ELMO1: variants seen among roughly 807,000 people sequenced by gnomAD.
The protein encoded by ELMO1 is engulfment and cell motility protein 1.
In ELMO1, 26 loss-of-function variants were observed where a neutral mutation model predicts 98.9. That is an observed-to-expected ratio of 0.26 (90% confidence interval 0.19 to 0.36). The LOEUF is 0.36. Among genes scored for constraint, ELMO1 ranks in the 10% least tolerant of loss-of-function variants. The pLI is 1.00. For synonymous variants in ELMO1, 346 were observed against 346.0 expected, an observed-to-expected ratio of 1.00 and a Z score of 0.00; for missense variants, 627 against 935.2, an observed-to-expected ratio of 0.67 and a Z score of 4.30.
At chr7:37,336,345 A>G (rs1051576945) in intron 2 of ELMO1, among the ~76,000 whole-genome samples, 5 of 152,218 alleles carry the variant, frequency 3.3e-5, no homozygotes, top group Non-Finnish European at 5.9e-5. Context: ...TTCACTAACC[A>G]TTTGTCTCGT....
chr7:37,126,666 A>G (rs1013847109), intron 14 of ELMO1, among the ~76,000 whole-genome samples: 1 of 152,220 alleles, frequency 6.6e-6, no homozygotes, highest in African/African-American at 2.4e-5. Context: ...TCTCAAGTAA[A>G]AAACAAATAA....
intron 13 of ELMO1, among the ~76,000 whole-genome samples, chr7:37,188,449 CACGCAAACACACACACACACA>C (rs1791355914): frequency 1.4e-4 from 1 of 7,274 alleles, no homozygotes. Flanking sequence ...CACACACACA[CACGCAAACACACACACACACA>C]GGCCACTGGA....
intron 20 of ELMO1, among the ~76,000 whole-genome samples, chr7:36,866,735 C>G (rs1803060103): frequency 6.6e-6 from 1 of 152,170 alleles, no homozygotes; most frequent in African/African-American, 2.4e-5. Context: ...GAAAAACTGT[C>G]CAAAGAGCCA....
intron 17 of ELMO1, among the ~76,000 whole-genome samples, chr7:36,888,187 G>A (rs1005664516): frequency 5.9e-5 from 9 of 152,144 alleles, no homozygotes; most frequent in African/African-American, 2.2e-4. Flanking sequence ...CACAAATGGG[G>A]ACAACAACAC....
At chr7:37,143,438 G>A (rs1303784419) in intron 13 of ELMO1, among the ~76,000 whole-genome samples, 2 of 151,980 alleles carry the variant, frequency 1.3e-5, no homozygotes, top group East Asian at 1.9e-4. Flanking sequence ...ACCGAGTCTC[G>A]CTCTGTCACC....
At chr7:37,264,645 T>C (rs954166659) in intron 5 of ELMO1, among the ~76,000 whole-genome samples, 2 of 152,194 alleles carry the variant, frequency 1.3e-5, no homozygotes, top group Admixed American at 1.3e-4. Flanking sequence ...CTGGTATTGC[T>C]CTAAGGATAG....
At chr7:37,370,426 G>A (rs892948036) in intron 1 of ELMO1, among the ~76,000 whole-genome samples, 14 of 151,978 alleles carry the variant, frequency 9.2e-5, no homozygotes, top group African/African-American at 2.9e-4. Flanking sequence ...AACTTGTTAC[G>A]TTTTTCTCTT....
intron 1 of ELMO1, among the ~76,000 whole-genome samples, chr7:37,409,883 T>C (rs574707687): frequency 6.6e-6 from 1 of 152,358 alleles, no homozygotes; most frequent in Admixed American, 6.5e-5. Flanking sequence ...AGATCATGTA[T>C]GATAAAAGAT....
chr7:36,945,512 G>C (rs1286307321), intron 16 of ELMO1, among the ~76,000 whole-genome samples: 2 of 152,204 alleles, frequency 1.3e-5, no homozygotes, highest in East Asian at 3.8e-4. Context: ...CGATCATTTA[G>C]AATGTCATTA....
chr7:37,414,833 G>A (rs1643436892), intron 1 of ELMO1, among the ~76,000 whole-genome samples: 1 of 152,090 alleles, frequency 6.6e-6, no homozygotes, highest in South Asian at 2.1e-4. Flanking sequence ...TTTCCCTGTG[G>A]GAATAAAACA....
intron 5 of ELMO1, among the ~76,000 whole-genome samples, chr7:37,267,991 G>A (rs976828753): frequency 6.6e-6 from 1 of 152,070 alleles, no homozygotes; most frequent in Non-Finnish European, 1.5e-5. Context: ...TGCATTTTGT[G>A]TTCTACTTAG....
intron 15 of ELMO1, among the ~76,000 whole-genome samples, chr7:37,044,343 G>A (rs980505716): frequency 4.6e-5 from 7 of 152,128 alleles, no homozygotes; most frequent in Non-Finnish European, 1.0e-4. Flanking sequence ...GCTAATGTGA[G>A]TGTACACTTC....
intron 7 of ELMO1, among the ~76,000 whole-genome samples, chr7:37,234,839 T>G (rs1165025675): frequency 6.6e-6 from 1 of 152,162 alleles, no homozygotes; most frequent in Non-Finnish European, 1.5e-5. Context: ...AAAGTGAGAT[T>G]TTTAAAACGT....
At chr7:36,873,945 A>G (rs2129042422) in intron 19 of ELMO1, among the ~76,000 whole-genome samples, 1 of 152,362 alleles carries the variant, frequency 6.6e-6, no homozygotes, top group African/African-American at 2.4e-5. Context: ...GCACAGCTCC[A>G]TAGTAGAAGC....
At chr7:36,887,474 T>G in intron 18 of ELMO1, 86 bp downstream of exon 18, 1 of 1,323,282 alleles carries the variant, frequency 7.6e-7, no homozygotes, top group South Asian at 1.3e-5. Context: ...GGCCTACCCG[T>G]AAACCAACAC....
intron 16 of ELMO1, among the ~76,000 whole-genome samples, chr7:36,975,676 G>A (rs1407455309): frequency 4.0e-5 from 6 of 150,762 alleles, no homozygotes; most frequent in South Asian, 2.1e-4. Context: ...GTGAAACCGC[G>A]TCTCTACTAA....
At position 37,112,540 on chromosome 7, in the gene ELMO1, G is replaced by A. The variant is rs1253847932; in HGVS notation, c.1192-15813C>T. ...CAGACAGGTGTGAATGACATTAACC[G>A]GAGTCTTAGATTTGAAAAGTCTCCA... On this transcript the variant is annotated intron_variant, in intron 14 of 21. Coordinates refer to ENST00000310758, the MANE Select transcript of ELMO1 (RefSeq NM_014800.11). 9.2e-5 allele frequency among the ~76,000 whole-genome samples: 14 copies of A among 152,156 alleles called. 1 individual carries two copies. Among genetic ancestry groups the A allele is most frequent in the Admixed American group, 8.5e-4 (13 of 15,280 alleles).
chr7:37,397,428 GC>G (rs1412867265), intron 1 of ELMO1, among the ~76,000 whole-genome samples: 1 of 152,208 alleles, frequency 6.6e-6, no homozygotes, highest in Non-Finnish European at 1.5e-5. Context: ...GTCATAAAAG[GC>G]ATCTGTAAGA....
At chr7:37,280,471 T>C (rs1434415940) in intron 4 of ELMO1, among the ~76,000 whole-genome samples, 1 of 151,760 alleles carries the variant, frequency 6.6e-6, no homozygotes. Context: ...AGGATTGATA[T>C]CCAGAATCTA....
Sources: allele counts gnomAD v4.1 joint callset (sites outside exome capture counted in the v4.1 genomes callset), GRCh38; gene constraint gnomAD v4.1.1; transcripts MANE v1.5; gene names NCBI Gene and HGNC (gene_info 2026-07-23, HGNC 2026-07-21).